GATA4: variants seen among roughly 807,000 people sequenced by gnomAD.
GATA4 encodes the protein transcription factor GATA-4.
A neutral mutation model predicts 37.9 loss-of-function variants in GATA4; 7 were observed. The observed-to-expected ratio is 0.18, with a 90% CI of 0.11 to 0.35. The LOEUF is 0.35. GATA4 is among the 10% of genes least tolerant of loss of function. GATA4 has a pLI of 1.00. For synonymous variants in GATA4, 372 were observed against 292.6 expected (o/e 1.27, Z -2.77); for missense variants, 647 against 653.0 (o/e 0.99, Z 0.10).
intron 2 of GATA4, among the ~76,000 whole-genome samples, chr8:11,740,200 C>T (rs1801659791): frequency 1.3e-5 from 2 of 152,166 alleles, no homozygotes; most frequent in South Asian, 4.1e-4. Context: ...TGTGGCTTTT[C>T]TGGAAGGGGG....
chr8:11,725,724 C>T (rs1012110465), intron 2 of GATA4, among the ~76,000 whole-genome samples: 2 of 152,220 alleles, frequency 1.3e-5, no homozygotes, highest in African/African-American at 4.8e-5. Context: ...AGCCTTGGCT[C>T]ACAGCGAGTG....
At position 11,681,502 on chromosome 8, in the gene GATA4, G is replaced by C. The variant is rs879682101; in HGVS notation, c.-274+4439G>C. Reference sequence around the variant, plus strand: ...GGGGTGCGGCGCTCGCGGGGGGGGGGGGGGGGATGGGGTCGGTCCCTCTCG... The same window carrying C: ...GGGGTGCGGCGCTCGCGGGGGGGGGCGGGGGGATGGGGTCGGTCCCTCTCG... On this transcript the variant is annotated intron_variant, in intron 1 of 6. Coordinates refer to the GATA4 transcript ENST00000528712. 2.0e-4 allele frequency: 194 copies of C among 964,000 alleles called. 10 individuals carry two copies. The African/African-American group carries it at 3.1e-3, about 16-fold the overall frequency. 59.7% of individuals were successfully genotyped at this position (964,000 alleles called of 1,614,324 possible). A position where few individuals can be genotyped will look rare whatever the true frequency, so the allele number is the denominator to read the frequency against.
intron 6 of GATA4, among the ~76,000 whole-genome samples, chr8:11,757,978 A>G (rs777968570): frequency 2.0e-5 from 3 of 152,114 alleles, no homozygotes; most frequent in African/African-American, 7.2e-5. Context: ...TGGAAAGTGG[A>G]TGTGGTGGTG....
chr8:11,680,282 G>T (rs1449458828), intron 1 of GATA4, among the ~76,000 whole-genome samples: 1 of 152,240 alleles, frequency 6.6e-6, no homozygotes, highest in African/African-American at 2.4e-5. Context: ...GGTGGAGCAG[G>T]CTACTTCAGC....
chr8:11,734,679 G>A lies in GATA4; in HGVS notation c.617-14237G>A, dbSNP rs1801371203. Among the ~76,000 whole-genome samples the A allele has an allele frequency of 3.9e-5, 6 of 152,178 alleles. No individual in the cohort carries two copies. In the South Asian group the frequency reaches 1.2e-3, roughly 32 times the overall value. ...TTTTTGTATCTTTAGTAGAGATGGG[G>A]GGGTTTCACCATGTTGGTCAGTCTG... is the stretch of plus-strand genomic sequence containing the variant. On this transcript the variant is annotated intron_variant, in intron 2 of 6. Coordinates refer to ENST00000532059, the MANE Select transcript of GATA4 (RefSeq NM_001308093.3).
intron 2 of GATA4, among the ~76,000 whole-genome samples, chr8:11,746,762 G>A (rs1276952267): frequency 6.6e-6 from 1 of 152,238 alleles, no homozygotes; most frequent in East Asian, 1.9e-4. Context: ...GCATCTCATG[G>A]GCGGCTCTGA....
chr8:11,680,210 C>G (rs1798911209), intron 1 of GATA4, among the ~76,000 whole-genome samples: 1 of 152,242 alleles, frequency 6.6e-6, no homozygotes, highest in Admixed American at 6.5e-5. Context: ...CGGAATGTCC[C>G]GACCCCCGGC....
At chr8:11,713,965 C>T (rs1431513740) in intron 2 of GATA4, among the ~76,000 whole-genome samples, 1 of 152,176 alleles carries the variant, frequency 6.6e-6, no homozygotes, top group African/African-American at 2.4e-5. Flanking sequence ...TGGAGCTGTG[C>T]TCTTAAAATG....
intron 4 of GATA4, among the ~76,000 whole-genome samples, chr8:11,753,975 C>T (rs1006210717): frequency 2.6e-5 from 4 of 152,214 alleles, no homozygotes; most frequent in African/African-American, 9.6e-5. Context: ...GCTCTGGGGC[C>T]TGCCTCCCAA....
intron 2 of GATA4, among the ~76,000 whole-genome samples, chr8:11,743,604 T>C (rs1801870588): frequency 6.6e-6 from 1 of 152,238 alleles, no homozygotes; most frequent in Non-Finnish European, 1.5e-5. Context: ...CTCCCTTTCT[T>C]CCTCCCGTGC....
At chr8:11,695,241 A>G (rs1188693088) in intron 1 of GATA4, among the ~76,000 whole-genome samples, 4 of 152,116 alleles carry the variant, frequency 2.6e-5, no homozygotes, top group Non-Finnish European at 5.9e-5. Context: ...CCCCGTCTCT[A>G]TTAAAAATAC....
upstream of GATA4, among the ~76,000 whole-genome samples, chr8:11,703,047 A>G (rs207468943): frequency 2.6e-5 from 4 of 152,072 alleles, no homozygotes; most frequent in African/African-American, 4.8e-5. Context: ...ATTTCCTACT[A>G]CGGAAGCGGG....
At position 11,707,428 on chromosome 8, in the gene GATA4, A is replaced by G. The variant is rs1799939442; in HGVS notation, c.-457-428A>G. 6.6e-6 allele frequency among the ~76,000 whole-genome samples: 1 copy of G among 151,702 alleles called. No individual in the cohort carries two copies. Among genetic ancestry groups the G allele is most frequent in the Non-Finnish European group, 1.5e-5 (1 of 67,938 alleles). ...AAGTTCTTTCTAGGCCAGTCTCCCC[A>G]TCTTTCTTGGGGAGAGATGGGGAAC... is the stretch of plus-strand genomic sequence containing the variant. On this transcript the variant is annotated intron_variant, in intron 1 of 6. Coordinates refer to ENST00000532059, the MANE Select transcript of GATA4 (RefSeq NM_001308093.3). This position sits in a 1 kb window ranked among gnomAD's most constrained non-coding sequence, Gnocchi z 4.7.
Position 11,708,334 on chromosome 8 carries a change from G to A in GATA4, c.22G>A (p.Ala8Thr). Residue 8 changes from alanine to threonine, a missense_variant, in exon 2 of 7, where the codon GCC becomes ACC. By Grantham distance (58) the Ala-to-Thr change is moderately conservative. Around this residue, in one of 5 missense-constraint regions of GATA4, gnomAD observed 379 missense variants for 334.5 expected, o/e 1.13. Transcript: ENST00000532059. This position sits in a 1 kb window ranked among gnomAD's most constrained non-coding sequence, Gnocchi z 6.7. MYQSLAM[A>T]ANHGPPPGAY... is the part of the protein sequence containing the mutation. ...GACCATGTATCAGAGCTTGGCCATG[G>A]CCGCCAACCACGGGCCGCCCCCCGG... 1 of 1,584,454 alleles carries A rather than the reference G, an allele frequency of 6.3e-7. No homozygotes were observed. Among genetic ancestry groups the A allele is most frequent in the Non-Finnish European group, 8.5e-7 (1 of 1,173,222 alleles).
At chr8:11,755,614 A>G (rs1407416140) in intron 5 of GATA4, among the ~76,000 whole-genome samples, 2 of 152,194 alleles carry the variant, frequency 1.3e-5, no homozygotes, top group Non-Finnish European at 2.9e-5. Flanking sequence ...CCCCTTCAGA[A>G]ATATTATCTC....
chr8:11,731,895 A>T (rs145902217), intron 2 of GATA4, among the ~76,000 whole-genome samples: 1 of 152,340 alleles, frequency 6.6e-6, no homozygotes, highest in East Asian at 1.9e-4. Flanking sequence ...AGGTAGAACT[A>T]GCCATCCAGA....
upstream of GATA4, among the ~76,000 whole-genome samples, chr8:11,700,015 G>T (rs182052835): frequency 6.6e-6 from 1 of 152,134 alleles, no homozygotes; most frequent in East Asian, 1.9e-4. Context: ...CTGCAGTTTC[G>T]CCCTTGCTTT....
chr8:11,686,740 C>T (rs943835482), intron 1 of GATA4, among the ~76,000 whole-genome samples: 1 of 152,188 alleles, frequency 6.6e-6, no homozygotes, highest in African/African-American at 2.4e-5. Flanking sequence ...TAGCTCATGC[C>T]TCTAATCCCA....
intron 1 of GATA4, among the ~76,000 whole-genome samples, chr8:11,696,093 C>A (rs1563191847): frequency 6.6e-6 from 1 of 152,180 alleles, no homozygotes; most frequent in African/African-American, 2.4e-5. Context: ...CACCTGTGCT[C>A]TTTTTCCTTC....
Sources: allele counts gnomAD v4.1 joint callset (sites outside exome capture counted in the v4.1 genomes callset), GRCh38; gene constraint gnomAD v4.1.1; regional missense constraint gnomAD v4.1.1; non-coding constraint Gnocchi (gnomAD v3.1); transcripts MANE v1.5; gene names NCBI Gene and HGNC (gene_info 2026-07-23, HGNC 2026-07-21).